HERC2: variants seen among roughly 807,000 people sequenced by gnomAD.
HERC2 encodes E3 ubiquitin-protein ligase HERC2.
In HERC2, 102 loss-of-function variants were observed where a neutral mutation model predicts 537.7. The observed-to-expected ratio is 0.19, with a 90% CI of 0.16 to 0.22. The LOEUF (loss-of-function observed/expected upper bound fraction) is 0.22, where lower values mean the gene tolerates loss of function less well. HERC2 is among the 10% of genes least tolerant of loss of function. The pLI is 1.00. For missense variants in HERC2, 4,236 were observed against 6,198.2 expected (o/e 0.68, Z 10.63); for synonymous variants, 2,224 against 2,466.2 (o/e 0.90, Z 2.91).
chr15:28,218,356 A>C, intron 38 of HERC2, 133 bp downstream of exon 38: 1 of 775,806 alleles, frequency 1.3e-6, no homozygotes, highest in Non-Finnish European at 2.2e-6. Flanking sequence ...TAAGCCCCCA[A>C]GTTTGTATAC....
In HERC2 at chr15:28,228,224, G is replaced by A. The variant is rs774917817; in HGVS notation, c.5458C>T (p.Leu1820=). 5 of 1,613,248 alleles carry A rather than the reference G, an allele frequency of 3.1e-6. No individual in the cohort carries two copies. Among genetic ancestry groups the A allele is most frequent in the Admixed American group, 1.7e-5 (1 of 60,002 alleles). ...MLALTQTALR[L]IGPSCDNVEE... is the part of the protein sequence containing the mutation. ...CAAGCGGGTGCAGACCTACCAATCA[G>A]GCGCAGTGCCGTCTGCGTGAGGGCC... Residue 1820 remains leucine, a synonymous_variant, in exon 35 of 93, where the codon CTG becomes TTG. Transcript: ENST00000261609.
intron 10 of HERC2, among the ~76,000 whole-genome samples, 182 bp downstream of exon 10, chr15:28,270,513 A>G (rs996655024): frequency 6.6e-6 from 1 of 152,052 alleles, no homozygotes; most frequent in African/African-American, 2.4e-5. Flanking sequence ...TGTGCGCCTC[A>G]GCTTGCTCAT....
intron 71 of HERC2, among the ~76,000 whole-genome samples, chr15:28,145,313 G>A (rs1433816720): frequency 6.6e-6 from 1 of 152,224 alleles, no homozygotes; most frequent in African/African-American, 2.4e-5. Context: ...CTGTGGACAG[G>A]AGCGGTGGTG....
At chr15:28,273,035 A>G (rs2075780755) in intron 7 of HERC2, 31 bp from the exon 8 acceptor site, 1 of 1,493,030 alleles carries the variant, frequency 6.7e-7, no homozygotes. Context: ...GCAGGAACAA[A>G]GCAACCTCCA....
chr15:28,160,982 C>T (rs1406031069), intron 69 of HERC2, among the ~76,000 whole-genome samples: 1 of 152,166 alleles, frequency 6.6e-6, no homozygotes, highest in African/African-American at 2.4e-5. Context: ...GGTAATTCAC[C>T]TTGATTTCAT....
chr15:28,202,260 C>T lies in HERC2; in HGVS notation c.7481-11G>A. 2 of 1,612,128 alleles carry T rather than the reference C, an allele frequency of 1.2e-6. No individual in the cohort carries two copies. The highest frequency in any genetic ancestry group is 1.7e-6 in the Non-Finnish European group (2 of 1,178,510). On this transcript the variant is annotated splice_polypyrimidine_tract_variant and intron_variant, in intron 46 of 92. Coordinates refer to ENST00000261609, the MANE Select transcript of HERC2 (RefSeq NM_004667.6). Reference sequence around the variant, plus strand: ...CCAAGGCTTCCACACCTAAGAGAGGCACACACAGCACAGCAGCCACTGTGA... The same window carrying T: ...CCAAGGCTTCCACACCTAAGAGAGGTACACACAGCACAGCAGCCACTGTGA...
At chr15:28,112,134 TG>T (rs1210013512) in intron 92 of HERC2, 99 bp from the exon 93 acceptor site, 4 of 1,212,922 alleles carry the variant, frequency 3.3e-6, no homozygotes, top group East Asian at 4.7e-5. Context: ...CCATATTTTT[TG>T]CTAAGAACAA....
chr15:28,213,726 G>A lies in HERC2; in HGVS notation c.6786+16C>T, dbSNP rs1355688305. ...ATTTCCCTTATCATGCAGTAACTAAGCACAAGTTCACCTACTGGTTTCAGC... is the reference window on the plus strand; with the variant it reads ...ATTTCCCTTATCATGCAGTAACTAAACACAAGTTCACCTACTGGTTTCAGC... On this transcript the variant is annotated intron_variant, in intron 42 of 92. Transcript: ENST00000261609. 3 of 1,609,736 alleles carry A rather than the reference G, an allele frequency of 1.9e-6. No individual in the cohort carries two copies. Among genetic ancestry groups the A allele is most frequent in the South Asian group, 1.1e-5 (1 of 90,974 alleles).
At chr15:28,160,396 G>A (rs1016202990) in intron 69 of HERC2, among the ~76,000 whole-genome samples, 22 of 152,290 alleles carry the variant, frequency 1.4e-4, no homozygotes, top group Admixed American at 2.0e-4. Context: ...TTCAGCTTCC[G>A]GGCCGCTTTG....
intron 21 of HERC2, 75 bp downstream of exon 21, chr15:28,248,477 G>T: frequency 9.0e-7 from 1 of 1,109,390 alleles, no homozygotes; most frequent in Non-Finnish European, 1.3e-6. Context: ...GGGCATATAG[G>T]ATGGACACGT....
Position 28,213,847 on chromosome 15 carries a change from C to G in HERC2, c.6681G>C (p.Glu2227Asp), listed in dbSNP as rs778274818. The change falls in exon 42 of 93, where the codon GAG becomes GAC. Residue 2227 changes from glutamate (E) to aspartate (D), a missense_variant. By Grantham distance (45) the Glu-to-Asp change is conservative. Coordinates refer to ENST00000261609, the MANE Select transcript of HERC2 (RefSeq NM_004667.6). ...LRLGGQVMHD[E>D]FGEGTVTRIT... The stretch of plus-strand genomic sequence containing the variant: ...TGCGAGTCACAGTGCCTTCTCCAAA[C>G]TCATCGTGCATAACTTGACCGCCCA... 2.5e-6 allele frequency: 4 copies of G among 1,614,048 alleles called. No homozygotes were observed. The highest frequency in any genetic ancestry group is 2.5e-6 in the Non-Finnish European group (3 of 1,179,920).
In HERC2 at chr15:28,179,041, C is replaced by T. The variant is rs763818880; in HGVS notation, c.9020-11G>A. 3 of 1,612,356 alleles carry T rather than the reference C, an allele frequency of 1.9e-6. No individual in the cohort carries two copies. Among genetic ancestry groups the T allele is most frequent in the East Asian group, 2.2e-5 (1 of 44,868 alleles). ...TCCCTTCCACAGTCACTGCAAGGAA[C>T]GACAGCCAGGAGAGGACTCTCTTTT... On this transcript the variant is annotated splice_polypyrimidine_tract_variant and intron_variant, in intron 58 of 92. Transcript: ENST00000261609.
chr15:28,273,243 C>T, intron 7 of HERC2: 1 of 569,624 alleles, frequency 1.8e-6, no homozygotes, highest in South Asian at 2.1e-5. Flanking sequence ...CAGTAGATGA[C>T]ATACTCCATG....
At chr15:28,313,393 A>G (rs1427903343) in intron 2 of HERC2, among the ~76,000 whole-genome samples, 1 of 152,118 alleles carries the variant, frequency 6.6e-6, no homozygotes, top group Non-Finnish European at 1.5e-5. Context: ...GTTAGCCTGG[A>G]TGGTCTCGAC....
intron 2 of HERC2, among the ~76,000 whole-genome samples, chr15:28,312,215 T>G (rs1226097739): frequency 1.3e-5 from 2 of 152,282 alleles, no homozygotes; most frequent in South Asian, 4.1e-4. Context: ...TCCAGAGAGT[T>G]AGACTGTGAA....
intron 48 of HERC2, among the ~76,000 whole-genome samples, chr15:28,199,465 A>C (rs1036046836): frequency 1.3e-5 from 2 of 152,232 alleles, no homozygotes; most frequent in African/African-American, 2.4e-5. Context: ...CCAATGCATC[A>C]TTCTGAAAAC....
chr15:28,273,225 CTAT>C (rs1278550718), intron 7 of HERC2: 1 of 591,256 alleles, frequency 1.7e-6, no homozygotes, highest in Non-Finnish European at 3.0e-6. Context: ...CACTCAGATA[CTAT>C]ATTACAGTAG....
At chr15:28,124,965 A>G (rs1293978520) in intron 84 of HERC2, 41 bp downstream of exon 84, 3 of 1,557,836 alleles carry the variant, frequency 1.9e-6, no homozygotes, top group Non-Finnish European at 1.8e-6. Context: ...ACAGGAGCAC[A>G]CTTTGCTTGC....
intron 2 of HERC2, among the ~76,000 whole-genome samples, chr15:28,319,476 T>G (rs1173795708): frequency 1.3e-5 from 2 of 149,858 alleles, no homozygotes; most frequent in African/African-American, 5.0e-5. Context: ...TCCCAGCTAC[T>G]CGGAAGGCTG....
Sources: gnomAD v4.1 joint callset for allele counts (sites outside exome capture counted in the v4.1 genomes callset) on GRCh38, gnomAD v4.1.1 for gene constraint, MANE v1.5 for transcripts, NCBI Gene and HGNC (gene_info 2026-07-23, HGNC 2026-07-21) for gene names.